Variants in ARID5B observed in about 807,000 individuals in gnomAD.
ARID5B encodes AT-rich interaction domain 5B.
ARID5B carries 13 observed loss-of-function variants against 97.2 expected under a neutral mutation model. The ratio of observed to expected loss-of-function variants is 0.13; its 90% CI spans 0.09 to 0.21. The LOEUF (loss-of-function observed/expected upper bound fraction) is 0.21. Among genes scored for constraint, ARID5B ranks in the 10% least tolerant of loss-of-function variants. The probability of loss-of-function intolerance (pLI) is 1.00; values close to 1 mark genes in which losing one functional copy is unlikely to be tolerated. For missense variants in ARID5B, 1,210 were observed against 1,465.3 expected (o/e 0.83, Z 2.84); for synonymous variants, 556 against 570.3 (o/e 0.97, Z 0.36).
In ARID5B at chr10:62,091,416, C is replaced by T. The variant is rs1368493968; in HGVS notation, c.1953C>T (p.Val651=). ...ALKQTPKVLV[V]QSFDMFKDKD... ...AGCAGACCCCAAAGGTCCTTGTGGT[C>T]CAGTCGTTTGACATGTTCAAAGACA... The change falls in exon 10 of 10, where the codon GTC becomes GTT. Residue 651 remains valine (V), a synonymous_variant. Transcript: ENST00000279873. 1 of 1,612,846 alleles carries T rather than the reference C, an allele frequency of 6.2e-7. No individual in the cohort carries two copies. Among genetic ancestry groups the T allele is most frequent in the Non-Finnish European group, 8.5e-7 (1 of 1,179,298 alleles).
At chr10:61,927,715 G>C (rs1380045640) in intron 2 of ARID5B, among the ~76,000 whole-genome samples, 1 of 152,156 alleles carries the variant, frequency 6.6e-6, no homozygotes, top group Non-Finnish European at 1.5e-5. Context: ...CCCAGTTCAG[G>C]GACCAACTTA....
chr10:62,047,940 C>T (rs750134798), intron 4 of ARID5B, among the ~76,000 whole-genome samples: 1 of 152,174 alleles, frequency 6.6e-6, no homozygotes, highest in Non-Finnish European at 1.5e-5. Context: ...TTCCCCCCAC[C>T]CCGTACTTTG....
intron 3 of ARID5B, among the ~76,000 whole-genome samples, chr10:61,980,584 A>G (rs972113442): frequency 2.0e-5 from 3 of 152,214 alleles, no homozygotes; most frequent in African/African-American, 7.2e-5. Flanking sequence ...ACCAGTTGCA[A>G]ATGAAATGAA....
At chr10:62,010,225 T>G (rs1463274148) in intron 4 of ARID5B, among the ~76,000 whole-genome samples, 1 of 152,178 alleles carries the variant, frequency 6.6e-6, no homozygotes, top group African/African-American at 2.4e-5. Flanking sequence ...AGGAGTGAGG[T>G]GCCTGCTTGG....
intron 2 of ARID5B, among the ~76,000 whole-genome samples, chr10:61,905,858 G>A (rs1381102071): frequency 6.6e-6 from 1 of 152,124 alleles, no homozygotes; most frequent in Non-Finnish European, 1.5e-5. Context: ...TTATTAATGA[G>A]CATTAACAAC....
intron 3 of ARID5B, among the ~76,000 whole-genome samples, chr10:61,994,649 G>A (rs1046253994): frequency 1.3e-5 from 2 of 152,126 alleles, no homozygotes; most frequent in African/African-American, 4.8e-5. Context: ...GAGGATTAAA[G>A]CAATGGTATA....
At chr10:62,019,796 G>A (rs1405224266) in intron 4 of ARID5B, among the ~76,000 whole-genome samples, 1 of 152,172 alleles carries the variant, frequency 6.6e-6, no homozygotes, top group Non-Finnish European at 1.5e-5. Flanking sequence ...CTTTCCTGTG[G>A]ATTTAAGACC....
At chr10:62,006,980 G>A (rs1431499084) in intron 4 of ARID5B, among the ~76,000 whole-genome samples, 1 of 152,086 alleles carries the variant, frequency 6.6e-6, no homozygotes, top group Admixed American at 6.5e-5. Flanking sequence ...ATTTCACCTA[G>A]CATTTCATCT....
At chr10:61,998,235 T>C (rs746671305) in intron 3 of ARID5B, among the ~76,000 whole-genome samples, 1 of 152,252 alleles carries the variant, frequency 6.6e-6, no homozygotes, top group African/African-American at 2.4e-5. Context: ...TGGTACTGGT[T>C]ATGTTCCATC....
At chr10:62,069,290 C>T (rs1293677021) in intron 7 of ARID5B, among the ~76,000 whole-genome samples, 1 of 152,240 alleles carries the variant, frequency 6.6e-6, no homozygotes, top group Admixed American at 6.5e-5. Flanking sequence ...CCCATTTCCA[C>T]ATGCCTCAGG....
chr10:62,047,427 T>C (rs1041277306), intron 4 of ARID5B, among the ~76,000 whole-genome samples: 3 of 152,198 alleles, frequency 2.0e-5, no homozygotes, highest in African/African-American at 7.2e-5. Flanking sequence ...TAACAGTACG[T>C]CTATTGCTTT....
intron 4 of ARID5B, among the ~76,000 whole-genome samples, chr10:62,004,120 T>C (rs1839117099): frequency 6.6e-6 from 1 of 152,236 alleles, no homozygotes; most frequent in Non-Finnish European, 1.5e-5. Flanking sequence ...TAATTAACTA[T>C]CCTCCTTACT....
At chr10:61,930,812 G>T (rs754977270) in intron 2 of ARID5B, among the ~76,000 whole-genome samples, 1 of 152,082 alleles carries the variant, frequency 6.6e-6, no homozygotes, top group Non-Finnish European at 1.5e-5. Context: ...GTGTGAAAAG[G>T]TATCATCTAT....
chr10:62,069,890 C>A, intron 8 of ARID5B, 93 bp downstream of exon 8: 1 of 1,291,854 alleles, frequency 7.7e-7, no homozygotes, highest in Non-Finnish European at 1.1e-6. Flanking sequence ...TCTAAATGAC[C>A]TTTTGGGAAA....
intron 4 of ARID5B, among the ~76,000 whole-genome samples, chr10:62,019,770 C>A (rs1284509595): frequency 6.6e-6 from 1 of 152,210 alleles, no homozygotes; most frequent in Non-Finnish European, 1.5e-5. Flanking sequence ...AGCCTTCCAT[C>A]ATACACTTTT....
chr10:62,015,678 C>T (rs1839274869), intron 4 of ARID5B, among the ~76,000 whole-genome samples: 1 of 152,112 alleles, frequency 6.6e-6, no homozygotes, highest in African/African-American at 2.4e-5. Context: ...GGCTGGAGTG[C>T]AGTGGCGCGA....
rs537962518 is a variant in ARID5B, at chr10:61,961,247, C to T, written c.502+20839C>T. Among the ~76,000 whole-genome samples the T allele has an allele frequency of 5.3e-5, 8 of 152,112 alleles. No individual in the cohort carries two copies. The South Asian group carries it at 1.7e-3, about 32-fold the overall frequency. ...TTATATCATCACTGTAAATGGAAAA[C>T]CTGTATCACTTGCTATAATTAATGG... On this transcript the variant is annotated intron_variant, in intron 3 of 9. Transcript: ENST00000279873.
chr10:61,989,176 A>G (rs1051422632), intron 3 of ARID5B, among the ~76,000 whole-genome samples: 7 of 151,930 alleles, frequency 4.6e-5, no homozygotes, highest in African/African-American at 1.7e-4. Context: ...AGATCCGCCC[A>G]CCTCAGCCTC....
At chr10:61,990,014 T>C (rs752235320) in intron 3 of ARID5B, among the ~76,000 whole-genome samples, 1 of 151,766 alleles carries the variant, frequency 6.6e-6, no homozygotes, top group Non-Finnish European at 1.5e-5. Flanking sequence ...GGGAGTGGAG[T>C]AGTATCTAAG....
Sources: gnomAD v4.1 joint callset for allele counts (sites outside exome capture counted in the v4.1 genomes callset) on GRCh38, gnomAD v4.1.1 for gene constraint, MANE v1.5 for transcripts, NCBI Gene and HGNC (gene_info 2026-07-23, HGNC 2026-07-21) for gene names.